PLB1: variants seen among roughly 807,000 people sequenced by gnomAD.
The protein encoded by PLB1 is phospholipase B1.
Under a neutral mutation model 227.4 loss-of-function variants are expected in PLB1, and 242 were observed. That is an observed-to-expected ratio of 1.06 (90% confidence interval 0.96 to 1.18). PLB1 has a LOEUF of 1.18. PLB1 is among the 50% of genes most tolerant of loss of function. The pLI is 0.00. For synonymous variants in PLB1, 757 were observed against 682.2 expected (o/e 1.11, Z -1.71); for missense variants, 1,858 against 1,816.3 (o/e 1.02, Z -0.42).
Position 28,573,309 on chromosome 2 carries a change from A to G in PLB1, c.1433+4A>G. 1.2e-6 allele frequency: 2 copies of G among 1,609,014 alleles called. No homozygotes were observed. The highest frequency in any genetic ancestry group is 1.7e-6 in the Non-Finnish European group (2 of 1,175,860). Reference sequence around the variant, plus strand: ...CTGTGGCAGGAGGCCGAGCTGAGTAAGCAGGGGTGACCGGGGCGGTGAACA... The same window carrying G: ...CTGTGGCAGGAGGCCGAGCTGAGTAGGCAGGGGTGACCGGGGCGGTGAACA... On this transcript the variant is annotated splice_donor_region_variant and intron_variant, in intron 21 of 57. Transcript: ENST00000327757.
intron 56 of PLB1, among the ~76,000 whole-genome samples, chr2:28,640,286 G>T (rs1416347594): frequency 6.6e-6 from 1 of 152,184 alleles, no homozygotes; most frequent in East Asian, 1.9e-4. Context: ...AAAGGTGCCG[G>T]GGAGGGGGAT....
chr2:28,578,997 C>T (rs1679469345), intron 22 of PLB1, among the ~76,000 whole-genome samples: 1 of 152,216 alleles, frequency 6.6e-6, no homozygotes, highest in Admixed American at 6.5e-5. Flanking sequence ...TATGGCTGCA[C>T]CCTCTCCACA....
chr2:28,632,889 G>A (rs903319063), intron 55 of PLB1, 55 bp from the exon 56 acceptor site: 2 of 1,345,402 alleles, frequency 1.5e-6, no homozygotes, highest in South Asian at 1.2e-5. Flanking sequence ...AGTGAGTGGG[G>A]CTCAGGTAGC....
At chr2:28,640,591 AG>A (rs1300673261) in intron 56 of PLB1, among the ~76,000 whole-genome samples, 1 of 152,198 alleles carries the variant, frequency 6.6e-6, no homozygotes, top group Non-Finnish European at 1.5e-5. Flanking sequence ...CCACTCACAA[AG>A]GAAGCCAGAG....
chr2:28,633,936 T>C (rs1386656642), intron 56 of PLB1, among the ~76,000 whole-genome samples: 1 of 152,174 alleles, frequency 6.6e-6, no homozygotes, highest in African/African-American at 2.4e-5. Context: ...TTCAGGCCCA[T>C]AGTGTCTCTG....
intron 17 of PLB1, among the ~76,000 whole-genome samples, chr2:28,554,607 G>C (rs542997474): frequency 1.4e-5 from 2 of 148,144 alleles, no homozygotes; most frequent in South Asian, 2.1e-4. Flanking sequence ...GCATAAACCA[G>C]CTCACCTGGT....
intron 20 of PLB1, among the ~76,000 whole-genome samples, chr2:28,571,931 G>A (rs963261445): frequency 1.3e-5 from 2 of 152,044 alleles, no homozygotes; most frequent in Admixed American, 6.6e-5. Flanking sequence ...AAAAAAAATC[G>A]ATATTTTGCG....
rs1328440934 is a variant in PLB1, at chr2:28,568,790, C to T, written c.1324+1951C>T. 2.6e-5 allele frequency among the ~76,000 whole-genome samples: 4 copies of T among 152,240 alleles called. No individual in the cohort carries two copies. In the East Asian group the frequency reaches 7.7e-4, roughly 29 times the overall value. On this transcript the variant is annotated intron_variant, in intron 20 of 57. Coordinates refer to ENST00000327757, the MANE Select transcript of PLB1 (RefSeq NM_153021.5). The stretch of plus-strand genomic sequence containing the variant: ...AAAAGGAGCGTCAAGAATTAGAATT[C>T]GTCAGGTAAGGAAAGGGGAGAGAAT...
intron 4 of PLB1, among the ~76,000 whole-genome samples, chr2:28,521,496 T>A (rs893723928): frequency 2.6e-5 from 4 of 152,192 alleles, no homozygotes; most frequent in Admixed American, 6.5e-5. Context: ...GGCATCCTAA[T>A]GGGTATGAGG....
intron 17 of PLB1, among the ~76,000 whole-genome samples, chr2:28,558,156 CTGTGTG>C (rs3041209): frequency 8.6e-5 from 13 of 150,334 alleles, no homozygotes; most frequent in East Asian, 2.0e-4. Context: ...GTGTGTGTCT[CTGTGTG>C]TGTGTGTGTG....
At chr2:28,558,597 G>A (rs1214350521) in intron 17 of PLB1, among the ~76,000 whole-genome samples, 2 of 152,206 alleles carry the variant, frequency 1.3e-5, no homozygotes, top group Non-Finnish European at 2.9e-5. Context: ...TAACCACATG[G>A]TGTAGCTGTG....
intron 46 of PLB1, among the ~76,000 whole-genome samples, chr2:28,619,585 T>C (rs141353951): frequency 1.3e-4 from 19 of 150,300 alleles, no homozygotes; most frequent in Admixed American, 1.1e-3. Flanking sequence ...AGATAGGAAC[T>C]GATGAGGGTC....
chr2:28,593,170 T>C (rs545656621), intron 32 of PLB1, among the ~76,000 whole-genome samples: 1 of 152,282 alleles, frequency 6.6e-6, no homozygotes, highest in Non-Finnish European at 1.5e-5. Flanking sequence ...AATGGGGCTA[T>C]TTTACTATCC....
chr2:28,521,174 G>A (rs886966434), intron 4 of PLB1, among the ~76,000 whole-genome samples: 2 of 152,058 alleles, frequency 1.3e-5, no homozygotes, highest in Admixed American at 6.5e-5. Context: ...TCATTCACCC[G>A]TCAGTGGACA....
At chr2:28,563,656 C>T (rs902227644) in intron 18 of PLB1, among the ~76,000 whole-genome samples, 5 of 152,088 alleles carry the variant, frequency 3.3e-5, no homozygotes, top group Admixed American at 1.3e-4. Context: ...CATCTGCCCC[C>T]GGGTGACATC....
intron 20 of PLB1, among the ~76,000 whole-genome samples, chr2:28,569,150 T>C (rs57980591): frequency 0.026 from 3,946 of 152,284 alleles, 152 homozygotes; most frequent in African/African-American, 0.091. Flanking sequence ...GGCCCTAAAG[T>C]CCTGGCTGCT....
intron 9 of PLB1, among the ~76,000 whole-genome samples, chr2:28,538,104 A>C (rs1158566434): frequency 6.6e-6 from 1 of 152,152 alleles, no homozygotes; most frequent in Non-Finnish European, 1.5e-5. Context: ...GGTTTTTCCC[A>C]GGTGGATGAT....
At chr2:28,588,661 AC>A (rs1008984196) in intron 26 of PLB1, among the ~76,000 whole-genome samples, 2 of 152,114 alleles carry the variant, frequency 1.3e-5, no homozygotes, top group African/African-American at 4.8e-5. Context: ...CCTAGCAGTG[AC>A]CCCAAGCAAA....
intron 17 of PLB1, among the ~76,000 whole-genome samples, chr2:28,556,024 T>A (rs80321180): frequency 0.027 from 4,125 of 152,082 alleles, 94 homozygotes; most frequent in Middle Eastern, 0.071. Flanking sequence ...ATGCACCATG[T>A]CCAGCTAATT....
Sources: allele counts gnomAD v4.1 joint callset (sites outside exome capture counted in the v4.1 genomes callset), GRCh38; gene constraint gnomAD v4.1.1; transcripts MANE v1.5; gene names NCBI Gene and HGNC (gene_info 2026-07-23, HGNC 2026-07-21).